The following KCNT2 variants were observed in gnomAD, a reference collection of about 807,000 sequenced individuals.
The protein encoded by KCNT2 is potassium channel subfamily T member 2.
In KCNT2, 67 loss-of-function variants were observed where a neutral mutation model predicts 153.8. The ratio of observed to expected loss-of-function variants is 0.44; its 90% CI spans 0.36 to 0.53. KCNT2 has a LOEUF of 0.53. KCNT2 is among the 20% of genes least tolerant of loss of function. The probability of loss-of-function intolerance (pLI) is 0.00; values close to 1 mark genes in which losing one functional copy is unlikely to be tolerated. For missense variants in KCNT2, 975 were observed against 1,354.8 expected, an observed-to-expected ratio of 0.72 and a Z score of 4.40; for synonymous variants, 500 against 458.8, an observed-to-expected ratio of 1.09 and a Z score of -1.15.
At chr1:196,424,900 G>A (rs1673520567) in intron 11 of KCNT2, among the ~76,000 whole-genome samples, 1 of 150,158 alleles carries the variant, frequency 6.7e-6, no homozygotes, top group Non-Finnish European at 1.5e-5. Flanking sequence ...ACACACACTT[G>A]CACACACAGT....
intron 1 of KCNT2, among the ~76,000 whole-genome samples, chr1:196,537,807 G>T (rs1177294492): frequency 1.3e-5 from 2 of 152,160 alleles, no homozygotes; most frequent in Non-Finnish European, 2.9e-5. Context: ...ATCCATATCT[G>T]TGAGTGTGTC....
intron 1 of KCNT2, among the ~76,000 whole-genome samples, chr1:196,554,176 A>G (rs983937563): frequency 1.3e-5 from 2 of 151,364 alleles, no homozygotes; most frequent in African/African-American, 4.8e-5. Context: ...CAGAGCAGAA[A>G]TAAATGAATT....
At chr1:196,232,994 G>T (rs1654090475) in intron 27 of KCNT2, among the ~76,000 whole-genome samples, 1 of 151,208 alleles carries the variant, frequency 6.6e-6, no homozygotes, top group Non-Finnish European at 1.5e-5. Context: ...GGGTAGATTA[G>T]ATATTTAATA....
At position 196,426,047 on chromosome 1, in the gene KCNT2, T is replaced by C. The variant is rs1673631454; in HGVS notation, c.985-59A>G. On this transcript the variant is annotated intron_variant, in intron 10 of 27. Coordinates refer to ENST00000294725, the MANE Select transcript of KCNT2 (RefSeq NM_198503.5). ...CAAAAATGTTTTATGTTACACTACA[T>C]AGAAAAATAAAATATCTAAGAAAAA... 5 of 1,302,126 alleles carry C rather than the reference T, an allele frequency of 3.8e-6. No homozygotes were observed. The East Asian group carries it at 1.2e-4, about 31-fold the overall frequency. 80.7% of individuals were successfully genotyped at this position (1,302,126 alleles called of 1,614,324 possible). A position where few individuals can be genotyped will look rare whatever the true frequency, so the allele number is the denominator to read the frequency against.
chr1:196,497,696 A>T lies in KCNT2; in HGVS notation c.96-5355T>A, dbSNP rs904916086. On this transcript the variant is annotated intron_variant, in intron 1 of 27. Coordinates refer to ENST00000294725, the MANE Select transcript of KCNT2 (RefSeq NM_198503.5). ...TAATGGATGGGTATTGATTGTTATT[A>T]AAAAAAACCTATATCGAACCTATCA... 3.9e-5 allele frequency among the ~76,000 whole-genome samples: 6 copies of T among 152,086 alleles called. No homozygotes were observed. The South Asian group carries it at 8.3e-4, about 21-fold the overall frequency.
At chr1:196,386,330 AT>A (rs1211521495) in intron 13 of KCNT2, among the ~76,000 whole-genome samples, 2 of 152,144 alleles carry the variant, frequency 1.3e-5, no homozygotes, top group Non-Finnish European at 2.9e-5. Context: ...ATAAATTTAC[AT>A]TGTTGTTTAT....
At chr1:196,430,708 G>C (rs1250390910) in intron 8 of KCNT2, among the ~76,000 whole-genome samples, 2 of 152,036 alleles carry the variant, frequency 1.3e-5, no homozygotes, top group African/African-American at 2.4e-5. Flanking sequence ...GTGACAGTAA[G>C]AGAGCAGCGT....
chr1:196,434,509 C>T (rs571319157), intron 8 of KCNT2, among the ~76,000 whole-genome samples: 6 of 151,926 alleles, frequency 3.9e-5, no homozygotes, highest in Non-Finnish European at 7.4e-5. Flanking sequence ...TATTCATATT[C>T]TTTAAACACA....
chr1:196,538,075 G>A (rs116660810), intron 1 of KCNT2, among the ~76,000 whole-genome samples: 2 of 151,962 alleles, frequency 1.3e-5, no homozygotes, highest in Admixed American at 6.6e-5. Flanking sequence ...AACTCTGCTG[G>A]ATCTCTCAGG....
intron 1 of KCNT2, among the ~76,000 whole-genome samples, chr1:196,536,938 C>T (rs961665755): frequency 2.0e-5 from 3 of 152,098 alleles, no homozygotes; most frequent in Non-Finnish European, 4.4e-5. Flanking sequence ...TTACTAACTC[C>T]TTCTATATCA....
chr1:196,340,968 G>A (rs1016122403), intron 15 of KCNT2, among the ~76,000 whole-genome samples: 2 of 151,720 alleles, frequency 1.3e-5, no homozygotes, highest in African/African-American at 4.8e-5. Context: ...ATGGTCACCT[G>A]AAAGAGAACC....
At chr1:196,461,527 C>T (rs1572534862) in intron 8 of KCNT2, among the ~76,000 whole-genome samples, 1 of 151,766 alleles carries the variant, frequency 6.6e-6, no homozygotes, top group East Asian at 1.9e-4. Flanking sequence ...CAAAATAAAT[C>T]TATCTGTAAA....
At chr1:196,501,903 G>C (rs891462752) in intron 1 of KCNT2, among the ~76,000 whole-genome samples, 1 of 152,162 alleles carries the variant, frequency 6.6e-6, no homozygotes, top group Non-Finnish European at 1.5e-5. Flanking sequence ...CACATTGCCT[G>C]AGCTCAGGAG....
chr1:196,339,410 C>T (rs1665372717), intron 16 of KCNT2, among the ~76,000 whole-genome samples: 1 of 151,726 alleles, frequency 6.6e-6, no homozygotes, highest in South Asian at 2.1e-4. Flanking sequence ...TTAAAGCCTG[C>T]CACTAAACAC....
rs533230418 is a variant in KCNT2, at chr1:196,334,487, C to CTTTTTTTTTTT, written c.1784-438_1784-428dup. ...TTTTCTTTTATTTCTTTCTTTCTTT[C>CTTTTTTTTTTT]TTTTTTTTTTTTAAGACAGAGTCTC... is the stretch of plus-strand genomic sequence containing the variant. On this transcript the variant is annotated intron_variant, in intron 16 of 27. Coordinates refer to ENST00000294725, the MANE Select transcript of KCNT2 (RefSeq NM_198503.5). 1.3e-4 allele frequency among the ~76,000 whole-genome samples: 11 copies of CTTTTTTTTTTT among 87,282 alleles called. 2 individuals carry two copies. The highest frequency in any genetic ancestry group is 4.4e-4 in the African/African-American group (10 of 22,942). The allele number at this position is 87,282 out of a possible 152,430, so 57.3% of individuals were successfully genotyped here.
chr1:196,384,513 G>A (rs1424164175), intron 13 of KCNT2, among the ~76,000 whole-genome samples: 5 of 151,978 alleles, frequency 3.3e-5, no homozygotes, highest in Non-Finnish European at 5.9e-5. Context: ...CCATCATGGC[G>A]AAAGCCCATC....
chr1:196,572,380 C>T (rs539067868), intron 1 of KCNT2, among the ~76,000 whole-genome samples: 3 of 152,068 alleles, frequency 2.0e-5, no homozygotes, highest in East Asian at 1.9e-4. Context: ...GTGAGGATCT[C>T]GCTCAGCATC....
chr1:196,459,766 C>T (rs1676987689), intron 8 of KCNT2, among the ~76,000 whole-genome samples: 3 of 151,778 alleles, frequency 2.0e-5, no homozygotes, highest in South Asian at 2.1e-4. Context: ...GGAAGATGCA[C>T]GGCTAAACTT....
chr1:196,411,903 T>A (rs1413437633), intron 12 of KCNT2, among the ~76,000 whole-genome samples: 1 of 151,826 alleles, frequency 6.6e-6, no homozygotes, highest in African/African-American at 2.4e-5. Context: ...TGGAAAATTT[T>A]GTTACATGAT....
Sources: gnomAD v4.1 joint callset for allele counts (sites outside exome capture counted in the v4.1 genomes callset) on GRCh38, gnomAD v4.1.1 for gene constraint, MANE v1.5 for transcripts, NCBI Gene and HGNC (gene_info 2026-07-23, HGNC 2026-07-21) for gene names.